MAP4K4: variants seen among roughly 807,000 people sequenced by gnomAD.
MAP4K4 encodes mitogen-activated protein kinase kinase kinase kinase 4.
In MAP4K4, 38 loss-of-function variants were observed where a neutral mutation model predicts 189.6. The ratio of observed to expected loss-of-function variants is 0.20; its 90% confidence interval spans 0.15 to 0.26. The LOEUF (loss-of-function observed/expected upper bound fraction) is 0.26. MAP4K4 is among the 10% of genes least tolerant of loss of function. The probability of loss-of-function intolerance (pLI) is 1.00; values close to 1 mark genes in which losing one functional copy is unlikely to be tolerated. For missense variants in MAP4K4, 1,054 were observed against 1,726.9 expected (o/e 0.61, Z 6.91); for synonymous variants, 610 against 624.3 (o/e 0.98, Z 0.34).
chr2:101,797,236 AT>A, intron 3 of MAP4K4: 1 of 1,290,442 alleles, frequency 7.7e-7, no homozygotes, highest in South Asian at 1.2e-5. Context: ...CTATTGTTCT[AT>A]TCTGTTATTC....
chr2:101,753,663 G>A (rs534434272), intron 2 of MAP4K4, among the ~76,000 whole-genome samples: 1 of 143,084 alleles, frequency 7.0e-6, no homozygotes, highest in South Asian at 2.2e-4. Context: ...CAAGTATACA[G>A]TTTTTTTTTT....
chr2:101,885,152 G>A (rs1356138592), intron 28 of MAP4K4, 35 bp from the exon 29 acceptor site: 2 of 1,255,218 alleles, frequency 1.6e-6, no homozygotes, highest in East Asian at 2.4e-5. Context: ...ATACTGACCT[G>A]TGCTTCTCTT....
intron 2 of MAP4K4, among the ~76,000 whole-genome samples, chr2:101,710,023 C>T (rs1189314861): frequency 2.0e-5 from 3 of 152,270 alleles, no homozygotes; most frequent in African/African-American, 7.2e-5. Flanking sequence ...ACTACCAGAG[C>T]CCTTCTCCCC....
chr2:101,787,398 G>T (rs1002465017), intron 2 of MAP4K4, among the ~76,000 whole-genome samples: 1 of 152,132 alleles, frequency 6.6e-6, no homozygotes, highest in Non-Finnish European at 1.5e-5. Flanking sequence ...TTATAGTTAC[G>T]TGCATTTTCA....
At chr2:101,790,104 C>T (rs761851014) in intron 2 of MAP4K4, among the ~76,000 whole-genome samples, 2 of 152,104 alleles carry the variant, frequency 1.3e-5, no homozygotes, top group Non-Finnish European at 2.9e-5. Context: ...TATGCTTTAG[C>T]TTGTTTCTTT....
At chr2:101,870,918 GT>G (rs1426010016) in intron 23 of MAP4K4, among the ~76,000 whole-genome samples, 2 of 152,188 alleles carry the variant, frequency 1.3e-5, no homozygotes, top group African/African-American at 4.8e-5. Context: ...CAAAATGTTA[GT>G]TTTCTCACTT....
exon 16 of MAP4K4, chr2:101,860,839 T>G (rs1393767712): frequency 6.2e-7 from 1 of 1,607,622 alleles, no homozygotes; most frequent in Non-Finnish European, 8.5e-7. Context: ...AAGATAGATT[T>G]AGGAAAACTA....
intron 6 of MAP4K4, among the ~76,000 whole-genome samples, chr2:101,831,146 C>T (rs1485765945): frequency 1.3e-5 from 2 of 152,186 alleles, no homozygotes; most frequent in Non-Finnish European, 2.9e-5. Context: ...TCTAGACCAC[C>T]ACCACCATCC....
chr2:101,813,743 A>G (rs1467287277), intron 3 of MAP4K4, among the ~76,000 whole-genome samples: 2 of 152,222 alleles, frequency 1.3e-5, no homozygotes, highest in Non-Finnish European at 2.9e-5. Context: ...AGGACCACTT[A>G]CATCGTGGGC....
At chr2:101,867,575 T>C (rs2097853539) in intron 20 of MAP4K4, 1 of 423,832 alleles carries the variant, frequency 2.4e-6, no homozygotes, top group East Asian at 4.2e-5. Context: ...TACAAAATTA[T>C]GCAGAACAAA....
chr2:101,884,421 T>C (rs916386374), intron 28 of MAP4K4, among the ~76,000 whole-genome samples: 1 of 152,240 alleles, frequency 6.6e-6, no homozygotes, highest in African/African-American at 2.4e-5. Flanking sequence ...GTTCGTTTAT[T>C]GATTTATTTA....
chr2:101,867,216 A>G, exon 20 of MAP4K4: 1 of 1,598,308 alleles, frequency 6.3e-7, no homozygotes, highest in Non-Finnish European at 8.5e-7. Context: ...CAACAGCATC[A>G]TCCAAGTCTG....
intron 29 of MAP4K4, among the ~76,000 whole-genome samples, chr2:101,886,215 C>A (rs2150293634): frequency 6.6e-6 from 1 of 152,268 alleles, no homozygotes; most frequent in South Asian, 2.1e-4. Context: ...AGGTACCGTA[C>A]TAGTTGGTTT....
chr2:101,701,571 G>A (rs2038786376), intron 2 of MAP4K4, among the ~76,000 whole-genome samples: 1 of 152,156 alleles, frequency 6.6e-6, no homozygotes, highest in Non-Finnish European at 1.5e-5. Context: ...CTAATTTTCT[G>A]TGTCTCTGAC....
intron 2 of MAP4K4, among the ~76,000 whole-genome samples, chr2:101,754,868 A>G (rs1174886962): frequency 6.6e-6 from 1 of 152,192 alleles, no homozygotes; most frequent in Non-Finnish European, 1.5e-5. Flanking sequence ...AAGGCAGGCA[A>G]GTGTGAAGAT....
intron 2 of MAP4K4, among the ~76,000 whole-genome samples, chr2:101,760,938 G>A (rs2076104300): frequency 1.3e-5 from 2 of 152,200 alleles, no homozygotes; most frequent in Non-Finnish European, 2.9e-5. Context: ...GGGAGGCGGA[G>A]GTTGCCGTGA....
intron 3 of MAP4K4, chr2:101,797,280 A>G: frequency 3.1e-6 from 4 of 1,290,772 alleles, no homozygotes; most frequent in Non-Finnish European, 4.0e-6. Flanking sequence ...CAGGCCTTAC[A>G]GCTTCGTACT....
At chr2:101,758,344 G>A (rs1427422392) in intron 2 of MAP4K4, among the ~76,000 whole-genome samples, 1 of 152,168 alleles carries the variant, frequency 6.6e-6, no homozygotes, top group Admixed American at 6.5e-5. Flanking sequence ...CGTGAGCGTT[G>A]TGTTACTCTC....
intron 22 of MAP4K4, 188 bp from the exon 23 acceptor site, chr2:101,870,107 T>G (rs1354495451): frequency 3.0e-6 from 2 of 666,510 alleles, no homozygotes; most frequent in African/African-American, 3.6e-5. Context: ...AAGTTTTTGC[T>G]CAGAAACAAA....
Sources: allele counts gnomAD v4.1 joint callset (sites outside exome capture counted in the v4.1 genomes callset), GRCh38; gene constraint gnomAD v4.1.1; transcripts MANE v1.5; gene names NCBI Gene and HGNC (gene_info 2026-07-23, HGNC 2026-07-21).